CTNNA3: variants seen among roughly 807,000 people sequenced by gnomAD.
CTNNA3 encodes the protein catenin alpha 3.
Under a neutral mutation model 95.7 loss-of-function variants are expected in CTNNA3, and 76 were observed. The observed-to-expected ratio is 0.79, with a 90% confidence interval of 0.66 to 0.96. The LOEUF (loss-of-function observed/expected upper bound fraction) is 0.96, where lower values mean the gene tolerates loss of function less well. Ranked by LOEUF, CTNNA3 falls within the 40% of genes least tolerant of loss-of-function variation. The pLI is 0.00. For synonymous variants in CTNNA3, 431 were observed against 374.4 expected, an observed-to-expected ratio of 1.15 and a Z score of -1.74; for missense variants, 1,191 against 1,089.8, an observed-to-expected ratio of 1.09 and a Z score of -1.31.
intron 13 of CTNNA3, among the ~76,000 whole-genome samples, chr10:66,275,832 A>G (rs2091384415): frequency 6.6e-6 from 1 of 152,300 alleles, no homozygotes; most frequent in African/African-American, 2.4e-5. Context: ...AAGAAAAAAA[A>G]AATGTTAAGG....
intron 7 of CTNNA3, among the ~76,000 whole-genome samples, chr10:66,981,718 T>C (rs548669302): frequency 1.3e-5 from 2 of 152,210 alleles, no homozygotes; most frequent in Non-Finnish European, 2.9e-5. Context: ...TATTAACTCA[T>C]TGCAAACTCA....
intron 15 of CTNNA3, among the ~76,000 whole-genome samples, chr10:66,021,068 T>A (rs1236480749): frequency 6.6e-6 from 1 of 152,174 alleles, no homozygotes; most frequent in African/African-American, 2.4e-5. Flanking sequence ...CTCATAAGTA[T>A]CTCTGTTCTC....
intron 9 of CTNNA3, among the ~76,000 whole-genome samples, chr10:66,635,186 T>C (rs1200232923): frequency 6.6e-6 from 1 of 152,078 alleles, no homozygotes; most frequent in African/African-American, 2.4e-5. Context: ...GTCACCTGCC[T>C]AGTAAATTTA....
chr10:67,160,256 G>C (rs139381144), intron 7 of CTNNA3, among the ~76,000 whole-genome samples: 2 of 152,062 alleles, frequency 1.3e-5, no homozygotes, highest in African/African-American at 4.8e-5. Context: ...AGGAATGCTT[G>C]TACACTATTG....
intron 7 of CTNNA3, among the ~76,000 whole-genome samples, chr10:67,016,865 C>CAATATCTA (rs1852691688): frequency 6.6e-6 from 1 of 152,102 alleles, no homozygotes; most frequent in East Asian, 1.9e-4. Flanking sequence ...ACCTCTATAA[C>CAATATCTA]AATATCTAAA....
chr10:67,707,892 T>A (rs1246589674), intron 1 of CTNNA3, among the ~76,000 whole-genome samples: 1 of 152,158 alleles, frequency 6.6e-6, no homozygotes, highest in African/African-American at 2.4e-5. Context: ...CTTACAACTA[T>A]TAATGCTACC....
rs562828716 is a variant in CTNNA3, at chr10:66,823,508, T to C, written c.1048-47984A>G. On this transcript the variant is annotated intron_variant, in intron 7 of 17. Transcript: ENST00000433211. ...GGCTAGTGGTCAGGCAGCTGGAGGC[T>C]GGAGCAGGGAGACACTGAGCATAGG... Among the ~76,000 whole-genome samples, 4 of 152,278 alleles carry C rather than the reference T, an allele frequency of 2.6e-5. No individual in the cohort carries two copies. In the East Asian group the frequency reaches 7.7e-4, roughly 29 times the overall value.
chr10:66,639,336 T>C (rs1291933402), intron 9 of CTNNA3, among the ~76,000 whole-genome samples: 1 of 152,208 alleles, frequency 6.6e-6, no homozygotes, highest in Non-Finnish European at 1.5e-5. Flanking sequence ...TTTTTATTAG[T>C]GGGTCCAATA....
intron 12 of CTNNA3, among the ~76,000 whole-genome samples, chr10:66,372,951 A>T (rs988220388): frequency 6.6e-6 from 1 of 152,110 alleles, no homozygotes; most frequent in African/African-American, 2.4e-5. Context: ...GCCAAACCAC[A>T]TCAGTTACAT....
At chr10:67,530,701 T>C (rs1323029142) in intron 4 of CTNNA3, among the ~76,000 whole-genome samples, 1 of 152,152 alleles carries the variant, frequency 6.6e-6, no homozygotes, top group Non-Finnish European at 1.5e-5. Context: ...CTGCAGAAAT[T>C]TGCATAAGTA....
chr10:67,306,403 G>A (rs1840554880), intron 5 of CTNNA3, among the ~76,000 whole-genome samples: 1 of 152,130 alleles, frequency 6.6e-6, no homozygotes, highest in South Asian at 2.1e-4. Context: ...ATAAAGTTAT[G>A]CAAGTTGCAA....
At chr10:67,008,713 A>G (rs1404276445) in intron 7 of CTNNA3, among the ~76,000 whole-genome samples, 1 of 152,192 alleles carries the variant, frequency 6.6e-6, no homozygotes, top group African/African-American at 2.4e-5. Context: ...TGCTCCATGT[A>G]GTCTTTCATC....
chr10:67,301,219 C>CT (rs34884371), intron 5 of CTNNA3, among the ~76,000 whole-genome samples: 1 of 152,126 alleles, frequency 6.6e-6, no homozygotes, highest in South Asian at 2.1e-4. Context: ...TAAATTACTC[C>CT]TTTTTTCTAT....
At chr10:67,488,878 C>T (rs1203875351) in intron 5 of CTNNA3, among the ~76,000 whole-genome samples, 3 of 151,966 alleles carry the variant, frequency 2.0e-5, no homozygotes, top group Non-Finnish European at 2.9e-5. Flanking sequence ...CCATGTTACC[C>T]AGGCTGGTCA....
intron 7 of CTNNA3, among the ~76,000 whole-genome samples, chr10:66,806,290 T>TGG (rs1841640997): frequency 7.3e-6 from 1 of 136,226 alleles, no homozygotes; most frequent in South Asian, 2.5e-4. Context: ...TGTGTGTGTG[T>TGG]GTATATATAC....
In CTNNA3 at chr10:66,280,626, T is replaced by C; in HGVS notation, c.1733-5A>G. 6.3e-7 allele frequency: 1 copy of C among 1,599,628 alleles called. No individual in the cohort carries two copies. Among genetic ancestry groups the C allele is most frequent in the South Asian group, 1.1e-5 (1 of 89,750 alleles). On this transcript the variant is annotated splice_region_variant and splice_polypyrimidine_tract_variant and intron_variant, in intron 12 of 17. Coordinates refer to ENST00000433211, the MANE Select transcript of CTNNA3 (RefSeq NM_013266.4). ...GTGTTACAAATTCAGGAATTACTGTTAAAATAAAGAATAAGGAGAAGATTG... is the reference window on the plus strand; with the variant it reads ...GTGTTACAAATTCAGGAATTACTGTCAAAATAAAGAATAAGGAGAAGATTG...
chr10:67,266,497 T>C (rs1564522640), intron 5 of CTNNA3, among the ~76,000 whole-genome samples: 1 of 152,136 alleles, frequency 6.6e-6, no homozygotes. Context: ...AGTTAGAATA[T>C]TGATATAATC....
chr10:67,542,526 T>G (rs1024160683), intron 3 of CTNNA3, among the ~76,000 whole-genome samples: 1 of 152,078 alleles, frequency 6.6e-6, no homozygotes, highest in African/African-American at 2.4e-5. Flanking sequence ...TTTTCTTTGA[T>G]AAACATTTGT....
At chr10:66,606,460 A>G (rs1370613466) in intron 10 of CTNNA3, among the ~76,000 whole-genome samples, 2 of 152,184 alleles carry the variant, frequency 1.3e-5, no homozygotes, top group Non-Finnish European at 2.9e-5. Flanking sequence ...GCAAGAGAGA[A>G]TACATTCTTC....
Sources: gnomAD v4.1 joint callset for allele counts (sites outside exome capture counted in the v4.1 genomes callset) on GRCh38, gnomAD v4.1.1 for gene constraint, MANE v1.5 for transcripts, NCBI Gene and HGNC (gene_info 2026-07-23, HGNC 2026-07-21) for gene names.